The following MAP7D3 variants were observed in gnomAD, a reference collection of about 807,000 sequenced individuals.
MAP7D3 encodes MAP7 domain containing 3.
In MAP7D3, 45 loss-of-function variants were observed where a neutral mutation model predicts 62.2. That is an observed-to-expected ratio of 0.72 (90% CI 0.57 to 0.93). The LOEUF (loss-of-function observed/expected upper bound fraction) is 0.93, where lower values mean the gene tolerates loss of function less well. Among genes scored for constraint, MAP7D3 ranks in the 40% least tolerant of loss-of-function variants. MAP7D3 has a pLI of 0.00. For missense variants in MAP7D3, 711 were observed against 683.1 expected (o/e 1.04, Z -0.45); for synonymous variants, 288 against 248.8 (o/e 1.16, Z -1.48).
chrX:136,231,878 G>C lies in MAP7D3; in HGVS notation c.1079C>G (p.Ala360Gly). 1.7e-6 allele frequency: 2 copies of C among 1,211,507 alleles called. No homozygotes were observed. The highest frequency in any genetic ancestry group is 2.2e-6 in the Non-Finnish European group (2 of 895,327). ...TGCTTCTATGCTCAACTCGGGGGAT[G>C]CGTCCATGCTCATCTCAGAATCATA... ...STYDSEMSMDASPELSIEALP... is the reference protein window; with the variant it reads ...STYDSEMSMDGSPELSIEALP... The change falls in exon 8 of 19, where the codon GCA (alanine) becomes GGA (glycine). Residue 360 changes from alanine (A) to glycine (G), a missense_variant. By Grantham distance (60) the Ala-to-Gly change is moderately conservative (BLOSUM62 0). Transcript: ENST00000316077.
chrX:136,223,298 T>C (rs2074152648), intron 14 of MAP7D3, among the ~76,000 whole-genome samples: 1 of 111,064 alleles, frequency 9.0e-6, no homozygotes, highest in African/African-American at 3.3e-5. Context: ...AAAATATCAG[T>C]CTTGTAGCAT....
chrX:136,222,898 G>GCTCCATCT (rs1285129659), intron 14 of MAP7D3, among the ~76,000 whole-genome samples: 2 of 108,183 alleles, frequency 1.8e-5, no homozygotes, highest in Admixed American at 9.8e-5. Context: ...ATGGAGTGCA[G>GCTCCATCT]TGGCACGATC....
chrX:136,242,480 G>T (rs1458105647), intron 4 of MAP7D3, among the ~76,000 whole-genome samples: 1 of 109,165 alleles, frequency 9.2e-6, no homozygotes, highest in African/African-American at 3.3e-5. Flanking sequence ...CTGCTCTCCA[G>T]AATTCCTCTC....
rs750067467 is a variant in MAP7D3, at chrX:136,230,397, T to C, written c.1738A>G (p.Met580Val). 2.6e-6 allele frequency: 3 copies of C among 1,174,015 alleles called. No individual in the cohort carries two copies. The highest frequency in any genetic ancestry group is 3.5e-5 in the African/African-American group (2 of 56,499). ...TGAAAGAACTTACCTTCATAGATCA[T>C]ATGCCTTTGGCTCAAAGCCTCACAT... ...NRCEALSQRHMIYEESGNKST... is the reference protein window; with the variant it reads ...NRCEALSQRHVIYEESGNKST... The change falls in exon 10 of 19, where the codon ATG (methionine) becomes GTG (valine). Residue 580 changes from methionine (M) to valine (V), a missense_variant. Transcript: ENST00000316077.
intron 10 of MAP7D3, among the ~76,000 whole-genome samples, chrX:136,229,963 G>A (rs199621046): frequency 0.01 from 364 of 35,898 alleles, 3 homozygotes; most frequent in East Asian, 0.035. Context: ...TTTTGTGTGT[G>A]TATATATATA....
upstream of MAP7D3, among the ~76,000 whole-genome samples, chrX:136,253,649 T>C (rs1486483187): frequency 1.8e-5 from 2 of 111,918 alleles, no homozygotes; most frequent in African/African-American, 6.5e-5. Context: ...TGTATCAAGG[T>C]CAAATTTCTT....
intron 16 of MAP7D3, among the ~76,000 whole-genome samples, chrX:136,220,245 CCA>C (rs2074109556): frequency 9.0e-6 from 1 of 110,877 alleles, no homozygotes; most frequent in Non-Finnish European, 1.9e-5. Flanking sequence ...ATCACTTGAG[CCA>C]AGGAGGTTCA....
At chrX:136,231,290 G>A in intron 8 of MAP7D3, 1 of 350,822 alleles carries the variant, frequency 2.9e-6, no homozygotes, top group Non-Finnish European at 4.9e-6. Flanking sequence ...TAGAAACAGA[G>A]TTCATATAAA....
At chrX:136,242,751 C>G (rs1026059070) in intron 4 of MAP7D3, among the ~76,000 whole-genome samples, 65 of 111,932 alleles carry the variant, frequency 5.8e-4, no homozygotes, top group African/African-American at 2.0e-3. Context: ...CCCACTCACT[C>G]TACACACAGT....
intron 8 of MAP7D3, chrX:136,231,176 G>A (rs1426664053): frequency 3.0e-6 from 1 of 337,538 alleles, no homozygotes; most frequent in African/African-American, 2.7e-5. Context: ...GGAGATCACA[G>A]AAATAACAGG....
At chrX:136,244,538 A>G in intron 4 of MAP7D3, 94 bp downstream of exon 4, 1 of 790,134 alleles carries the variant, frequency 1.3e-6, no homozygotes, top group South Asian at 2.8e-5. Flanking sequence ...CCCTTTCTAC[A>G]GGGCAAGTAA....
Position 136,230,395 on chromosome X carries a change from C to CAT in MAP7D3, c.1738_1739dup (p.Met580IlefsTer2), listed in dbSNP as rs1161758902. 8.6e-7 allele frequency: 1 copy of CAT among 1,167,829 alleles called. No individual in the cohort carries two copies. The highest frequency in any genetic ancestry group is 2.2e-5 in the Admixed American group (1 of 45,355). The stretch of plus-strand genomic sequence containing the variant: ...AGTGAAAGAACTTACCTTCATAGAT[C>CAT]ATATGCCTTTGGCTCAAAGCCTCAC... On this transcript the variant is annotated frameshift_variant, in exon 10 of 19. Coordinates refer to ENST00000316077, the MANE Select transcript of MAP7D3 (RefSeq NM_024597.4). LOFTEE classifies it high-confidence loss of function.
chrX:136,220,718 T>G (rs1227974757), intron 16 of MAP7D3, 47 bp downstream of exon 16: 1 of 1,030,528 alleles, frequency 9.7e-7, no homozygotes, highest in Non-Finnish European at 1.4e-6. Context: ...AGATTGTCAA[T>G]CATAATCCTG....
chrX:136,251,309 C>T lies in MAP7D3; in HGVS notation c.50G>A (p.Arg17Lys), dbSNP rs1183300894. 8.8e-7 allele frequency: 1 copy of T among 1,130,412 alleles called. No homozygotes were observed. The highest frequency in any genetic ancestry group is 1.2e-6 in the Non-Finnish European group (1 of 861,463). The allele number at this position is 1,130,412 out of a possible 1,213,427, so 93.2% of individuals were successfully genotyped here. Residue 17 changes from arginine to lysine, a missense_variant, in exon 1 of 19, where the codon AGA (arginine) becomes AAA (lysine). Physicochemically the swap from Arg to Lys is conservative, Grantham distance 26. Coordinates refer to ENST00000316077, the MANE Select transcript of MAP7D3 (RefSeq NM_024597.4). The part of the protein sequence containing the change: ...AAGAGGSPSL[R>K]ELRARMVAAA... ...CTCACCCATCCGTGCCCGCAGCTCT[C>T]TCAAGGATGGGCTGCCGCCAGCGCC... is the stretch of plus-strand genomic sequence containing the variant.
chrX:136,255,210 C>CT (rs1285054522), upstream of MAP7D3, among the ~76,000 whole-genome samples: 1 of 112,323 alleles, frequency 8.9e-6, no homozygotes, highest in South Asian at 3.7e-4. Flanking sequence ...GAGCAAAACT[C>CT]TGTCTCAAAA....
Position 136,251,375 on chromosome X carries a change from G to A in MAP7D3, c.-17C>T. On this transcript the variant is annotated 5_prime_UTR_variant, in exon 1 of 19. Transcript: ENST00000316077. The stretch of plus-strand genomic sequence containing the variant: ...CGCCATCATCGGAGTCGGGACCGGA[G>A]GCGGTGGTGGCTCTCCGCATACATT... 3 of 1,101,471 alleles carry A rather than the reference G, an allele frequency of 2.7e-6. No individual in the cohort carries two copies. Among genetic ancestry groups the A allele is most frequent in the East Asian group, 3.9e-5 (1 of 25,580 alleles). 90.8% of individuals were successfully genotyped at this position (1,101,471 alleles called of 1,213,427 possible).
At chrX:136,255,991 C>A (rs1164909039), upstream of MAP7D3, 1 of 668,632 alleles carries the variant, frequency 1.5e-6, no homozygotes, top group African/African-American at 2.4e-5. Context: ...ACCAATCTAG[C>A]GAATTTGCAT....
At chrX:136,221,331 T>C (rs1397429385) in intron 15 of MAP7D3, among the ~76,000 whole-genome samples, 4 of 112,039 alleles carry the variant, frequency 3.6e-5, no homozygotes, top group African/African-American at 1.3e-4. Context: ...ACCTCTAATT[T>C]TTCTTTTTTT....
intron 4 of MAP7D3, among the ~76,000 whole-genome samples, chrX:136,241,905 C>G (rs1454019773): frequency 8.9e-6 from 1 of 111,782 alleles, no homozygotes; most frequent in African/African-American, 3.2e-5. Flanking sequence ...AAATACCATG[C>G]TGCAGCAAAA....
Sources: gnomAD v4.1 joint callset for allele counts (sites outside exome capture counted in the v4.1 genomes callset) on GRCh38, gnomAD v4.1.1 for gene constraint, MANE v1.5 for transcripts, NCBI Gene and HGNC (gene_info 2026-07-23, HGNC 2026-07-21) for gene names.